The following CFAP299 variants were observed in gnomAD, a reference collection of about 807,000 sequenced individuals.
The protein encoded by CFAP299 is cilia- and flagella-associated protein 299.
In CFAP299, 21 loss-of-function variants were observed where a neutral mutation model predicts 27.0. The observed-to-expected ratio is 0.78, with a 90% CI of 0.55 to 1.12. The LOEUF (loss-of-function observed/expected upper bound fraction) is 1.12, where lower values mean the gene tolerates loss of function less well. Ranked by LOEUF, CFAP299 falls within the 50% of genes most tolerant of loss-of-function variation. The probability of loss-of-function intolerance (pLI) is 0.00; values close to 1 mark genes in which losing one functional copy is unlikely to be tolerated. For missense variants in CFAP299, 310 were observed against 276.6 expected, an observed-to-expected ratio of 1.12 and a Z score of -0.86; for synonymous variants, 104 against 98.1, an observed-to-expected ratio of 1.06 and a Z score of -0.36.
intron 2 of CFAP299, among the ~76,000 whole-genome samples, chr4:80,379,458 T>A (rs1449044742): frequency 7.8e-6 from 1 of 127,554 alleles, no homozygotes; most frequent in Non-Finnish European, 1.6e-5. Flanking sequence ...TTTGTTTTAG[T>A]TTTCTAGTGC....
At chr4:80,566,994 AC>A (rs1156648596) in intron 2 of CFAP299, among the ~76,000 whole-genome samples, 2 of 147,680 alleles carry the variant, frequency 1.4e-5, no homozygotes, top group African/African-American at 5.1e-5. Context: ...GGAGAAGCCA[AC>A]CCATTTTTTC....
intron 4 of CFAP299, among the ~76,000 whole-genome samples, chr4:80,915,889 A>C (rs1375555792): frequency 2.6e-5 from 4 of 152,010 alleles, no homozygotes; most frequent in African/African-American, 7.2e-5. Context: ...CATATTTATC[A>C]AATATATATT....
intron 3 of CFAP299, among the ~76,000 whole-genome samples, chr4:80,754,205 G>T (rs1348960261): frequency 6.6e-6 from 1 of 152,026 alleles, no homozygotes; most frequent in Admixed American, 6.6e-5. Flanking sequence ...GTGCGCCATG[G>T]GCTTCAAATT....
At chr4:80,946,584 AC>A (rs1737490260) in intron 5 of CFAP299, among the ~76,000 whole-genome samples, 1 of 152,226 alleles carries the variant, frequency 6.6e-6, no homozygotes, top group East Asian at 1.9e-4. Context: ...GTATTCTGAG[AC>A]AGGGAGAAGA....
intron 2 of CFAP299, chr4:80,387,852 C>T: frequency 1.5e-6 from 2 of 1,322,706 alleles, no homozygotes; most frequent in South Asian, 1.2e-5. Flanking sequence ...TACCTTTAGC[C>T]CGTGGGGTCT....
chr4:80,674,504 G>T (rs577930394), intron 3 of CFAP299, among the ~76,000 whole-genome samples: 1 of 152,016 alleles, frequency 6.6e-6, no homozygotes, highest in East Asian at 1.9e-4. Context: ...TGTGTCTTGG[G>T]GTTGCTCTTC....
intron 3 of CFAP299, among the ~76,000 whole-genome samples, chr4:80,677,002 T>C (rs1719505195): frequency 6.6e-6 from 1 of 152,122 alleles, no homozygotes; most frequent in Non-Finnish European, 1.5e-5. Context: ...TTTGGCTTGT[T>C]CTTGCTTTTC....
At chr4:80,394,396 C>A (rs1321537311) in intron 2 of CFAP299, among the ~76,000 whole-genome samples, 2 of 148,990 alleles carry the variant, frequency 1.3e-5, no homozygotes, top group Non-Finnish European at 3.0e-5. Flanking sequence ...TGTTCCTTGG[C>A]TGTACACAGT....
chr4:80,540,693 C>T (rs1733958232), intron 2 of CFAP299, among the ~76,000 whole-genome samples: 1 of 152,196 alleles, frequency 6.6e-6, no homozygotes, highest in African/African-American at 2.4e-5. Flanking sequence ...AAAAACCTCT[C>T]ATTCCAACCA....
chr4:80,371,249 T>G (rs1320731890), intron 2 of CFAP299, among the ~76,000 whole-genome samples: 1 of 152,220 alleles, frequency 6.6e-6, no homozygotes, highest in African/African-American at 2.4e-5. Context: ...AGCGGGGCAC[T>G]GGGCTTAACA....
At chr4:80,957,568 T>TAA (rs1439011830) in intron 5 of CFAP299, among the ~76,000 whole-genome samples, 1 of 152,186 alleles carries the variant, frequency 6.6e-6, no homozygotes, top group Non-Finnish European at 1.5e-5. Flanking sequence ...AAACAGATTT[T>TAA]AAAATAAATT....
chr4:80,523,346 C>A (rs1473527180), intron 2 of CFAP299, among the ~76,000 whole-genome samples: 3 of 152,004 alleles, frequency 2.0e-5, no homozygotes, highest in Non-Finnish European at 4.4e-5. Flanking sequence ...ATCCTGAAAA[C>A]CATGGACGGT....
intron 4 of CFAP299, among the ~76,000 whole-genome samples, chr4:80,893,077 T>A (rs1239038232): frequency 6.6e-6 from 1 of 151,786 alleles, no homozygotes; most frequent in Non-Finnish European, 1.5e-5. Flanking sequence ...AGATGCATTA[T>A]ATCCACTAAC....
intron 2 of CFAP299, among the ~76,000 whole-genome samples, chr4:80,578,321 C>A (rs1735977025): frequency 1.3e-5 from 2 of 152,174 alleles, no homozygotes; most frequent in South Asian, 4.1e-4. Flanking sequence ...TCACACTCTG[C>A]ATTAACTTTC....
chr4:80,633,596 T>C (rs1030329124), intron 3 of CFAP299, among the ~76,000 whole-genome samples: 11 of 152,352 alleles, frequency 7.2e-5, no homozygotes, highest in African/African-American at 2.4e-4. Context: ...AGAGGAAAGA[T>C]GTAGCATAAT....
chr4:80,700,062 A>T (rs908341686), intron 3 of CFAP299, among the ~76,000 whole-genome samples: 1 of 152,146 alleles, frequency 6.6e-6, no homozygotes, highest in Non-Finnish European at 1.5e-5. Context: ...AAAGAACAGA[A>T]TTTGGTACTA....
intron 3 of CFAP299, among the ~76,000 whole-genome samples, chr4:80,754,222 G>T (rs768314709): frequency 6.6e-6 from 1 of 152,054 alleles, no homozygotes; most frequent in Non-Finnish European, 1.5e-5. Context: ...AATTTTTGTA[G>T]TATTACCTTG....
At chr4:80,629,267 C>CA (rs1383370888) in intron 3 of CFAP299, among the ~76,000 whole-genome samples, 1 of 152,028 alleles carries the variant, frequency 6.6e-6, no homozygotes, top group African/African-American at 2.4e-5. Flanking sequence ...AAGTTAAACT[C>CA]ACAGAAGTAG....
chr4:80,957,646 A>G (rs540206367), intron 5 of CFAP299, among the ~76,000 whole-genome samples: 4 of 152,322 alleles, frequency 2.6e-5, no homozygotes, highest in Non-Finnish European at 5.9e-5. Context: ...ATTTTGCATT[A>G]CTACAGACAA....
Sources: gnomAD v4.1 joint callset for allele counts (sites outside exome capture counted in the v4.1 genomes callset) on GRCh38, gnomAD v4.1.1 for gene constraint, MANE v1.5 for transcripts, NCBI Gene and HGNC (gene_info 2026-07-23, HGNC 2026-07-21) for gene names.